Variants in SFXN3 observed in about 807,000 individuals in gnomAD.
SFXN3 encodes the protein sideroflexin-3.
Under a neutral mutation model 40.4 loss-of-function variants are expected in SFXN3, and 31 were observed. The ratio of observed to expected loss-of-function variants is 0.77; its 90% CI spans 0.58 to 1.04. The LOEUF (loss-of-function observed/expected upper bound fraction) is 1.04, where lower values mean the gene tolerates loss of function less well. Among genes scored for constraint, SFXN3 ranks in the 50% least tolerant of loss-of-function variants. SFXN3 has a pLI of 0.00. For missense variants in SFXN3, 366 were observed against 408.2 expected (o/e 0.90, Z 0.89); for synonymous variants, 157 against 160.0 (o/e 0.98, Z 0.14).
At chr10:101,034,313 T>C (rs1202720325) in intron 2 of SFXN3, among the ~76,000 whole-genome samples, 1 of 152,176 alleles carries the variant, frequency 6.6e-6, no homozygotes, top group African/African-American at 2.4e-5. Context: ...TTGTAAACAT[T>C]TTGTTAACAA....
chr10:101,035,692 C>T lies in SFXN3; in HGVS notation c.332+25C>T, dbSNP rs1402431915. On this transcript the variant is annotated intron_variant, in intron 4 of 11. Transcript: ENST00000393459. ...GGCAGGTCTTGTCCCACGTCCCCTT[C>T]TTCAGTGCCCTAAGCTAGAGCATAG... 8 of 1,591,684 alleles carry T rather than the reference C, an allele frequency of 5.0e-6. No homozygotes were observed. The South Asian group carries it at 8.1e-5, about 16-fold the overall frequency.
chr10:101,035,969 G>T (rs746127780), intron 4 of SFXN3, 34 bp from the exon 5 acceptor site: 1 of 1,573,554 alleles, frequency 6.4e-7, no homozygotes, highest in South Asian at 1.1e-5. Flanking sequence ...GGCCACTGTA[G>T]ACGGGGCAGA....
intron 9 of SFXN3, 60 bp from the exon 10 acceptor site, chr10:101,038,583 A>G: frequency 6.2e-7 from 1 of 1,613,350 alleles, no homozygotes; most frequent in Non-Finnish European, 8.5e-7. Context: ...GGTGGGTGAA[A>G]TGGGGTGACA....
At chr10:101,038,539 G>A (rs1938729919) in intron 9 of SFXN3, 104 bp from the exon 10 acceptor site, 9 of 1,603,868 alleles carry the variant, frequency 5.6e-6, no homozygotes, top group South Asian at 5.5e-5. Flanking sequence ...ACAGGTCTAA[G>A]GGCTCCAAGG....
chr10:101,035,563 C>T (rs761011132), exon 4 of SFXN3: 25 of 1,613,954 alleles, frequency 1.5e-5, no homozygotes, highest in African/African-American at 1.3e-4. Context: ...TGTATGACTC[C>T]GCCTTCCATC....
rs781753275 is a variant in SFXN3 at position 101,039,590 on chromosome 10, G to A, written c.*5G>A. ...TACTACAACAAGGGGCTTTGAGGAG[G>A]GTCAGCCTCTGTCCCCTCCCTCACT... On this transcript the variant is annotated 3_prime_UTR_variant, in exon 12 of 12. Coordinates refer to ENST00000393459, the Ensembl canonical transcript of SFXN3. This position sits in a 1 kb window ranked among gnomAD's most constrained non-coding sequence, Gnocchi z 4.6. The A allele has an allele frequency of 1.1e-5, 18 of 1,613,592 alleles. No individual in the cohort carries two copies. The South Asian group carries it at 1.9e-4, about 17-fold the overall frequency.
chr10:101,035,593 G>T, exon 4 of SFXN3: 1 of 1,614,150 alleles, frequency 6.2e-7, no homozygotes, highest in Non-Finnish European at 8.5e-7. Context: ...GGGAGAAGGT[G>T]GTCCTGATTG....
chr10:101,034,644 C>A, intron 2 of SFXN3, 48 bp from the exon 3 acceptor site: 2 of 1,594,084 alleles, frequency 1.3e-6, no homozygotes, highest in East Asian at 2.2e-5. Flanking sequence ...CTAGCTGGAG[C>A]CCTTGGACCC....
intron 1 of SFXN3, 41 bp from the exon 2 acceptor site, chr10:101,032,273 A>T: frequency 1.8e-6 from 1 of 554,124 alleles, no homozygotes; most frequent in Non-Finnish European, 3.2e-6. Context: ...CAGGTGGCCC[A>T]GGCTGGGGGC....
chr10:101,037,157 C>A (rs760510763), exon 8 of SFXN3: 217 of 1,613,876 alleles, frequency 1.3e-4, no homozygotes, highest in Non-Finnish European at 1.7e-4. Context: ...AGCAGGGAAT[C>A]TTCCAGGTGG....
At chr10:101,037,110 G>A (rs1396563400) in exon 8 of SFXN3, 17 of 1,613,336 alleles carry the variant, frequency 1.1e-5, no homozygotes, top group Non-Finnish European at 1.4e-5. Context: ...GGCTGATGAG[G>A]CAGGTCAGAG....
rs1212938754 is a variant in SFXN3, at chr10:101,039,512, AACCAG to A, written c.895_899del (p.Pro299AlafsTer7). On this transcript the variant is annotated frameshift_variant, in exon 12 of 12. Coordinates refer to ENST00000393459, the Ensembl canonical transcript of SFXN3. LOFTEE classifies it high-confidence loss of function. This position sits in a 1 kb window ranked among gnomAD's most constrained non-coding sequence, Gnocchi z 4.6. ...AGCTCCATACACATAAGCAACCTGGAACCAGAGCTGAGAGCTCAGATCCATGAGCA... is the reference window on the plus strand; with the variant it reads ...AGCTCCATACACATAAGCAACCTGGAAGCTGAGAGCTCAGATCCATGAGCA... 10 of 1,613,972 alleles carry A rather than the reference AACCAG, an allele frequency of 6.2e-6. No individual in the cohort carries two copies. The highest frequency in any genetic ancestry group is 1.7e-5 in the Admixed American group (1 of 60,000).
intron 9 of SFXN3, 77 bp from the exon 10 acceptor site, chr10:101,038,566 G>T: frequency 6.2e-7 from 1 of 1,612,738 alleles, no homozygotes. Flanking sequence ...TGATGGGATA[G>T]AGCTATGGTG....
At chr10:101,034,950 A>T in intron 3 of SFXN3, 95 bp downstream of exon 3, 1 of 1,461,816 alleles carries the variant, frequency 6.8e-7, no homozygotes, top group Non-Finnish European at 9.3e-7. Context: ...CTTGACAGTG[A>T]CCCTGTCCCT....
At chr10:101,034,167 T>G (rs928276177) in intron 2 of SFXN3, among the ~76,000 whole-genome samples, 6 of 152,136 alleles carry the variant, frequency 3.9e-5, no homozygotes, top group African/African-American at 1.4e-4. Flanking sequence ...AGGCCATATT[T>G]CAGACTATGC....
Position 101,039,865 on chromosome 10 carries a change from A to G in SFXN3, c.*280A>G. 2.4e-6 allele frequency: 1 copy of G among 412,152 alleles called. No individual in the cohort carries two copies. The highest frequency in any genetic ancestry group is 4.4e-6 in the Non-Finnish European group (1 of 225,246). The allele number at this position is 412,152 out of a possible 1,614,324, so 25.5% of individuals were successfully genotyped here. A position where few individuals can be genotyped will look rare whatever the true frequency, so the allele number is the denominator to read the frequency against. ...TGTGTATGTGTACATTGGGTCCTGAAAGCTAGAAGCAGGCATGCTAGCCTA... is the reference window on the plus strand; with the variant it reads ...TGTGTATGTGTACATTGGGTCCTGAGAGCTAGAAGCAGGCATGCTAGCCTA... On this transcript the variant is annotated 3_prime_UTR_variant, in exon 12 of 12. Coordinates refer to ENST00000393459, the Ensembl canonical transcript of SFXN3. This position sits in a 1 kb window ranked among gnomAD's most constrained non-coding sequence, Gnocchi z 4.6.
intron 2 of SFXN3, among the ~76,000 whole-genome samples, chr10:101,033,436 G>T (rs1938422620): frequency 6.6e-6 from 1 of 152,116 alleles, no homozygotes; most frequent in South Asian, 2.1e-4. Flanking sequence ...TCCTGTTTCT[G>T]GTCTTCCCTT....
intron 2 of SFXN3, among the ~76,000 whole-genome samples, chr10:101,034,057 A>G (rs1214922662): frequency 5.9e-5 from 9 of 151,920 alleles, no homozygotes; most frequent in Admixed American, 5.2e-4. Context: ...GCCTTCCTCT[A>G]TCTCAACTGC....
chr10:101,033,802 C>CA (rs1416775441), intron 2 of SFXN3, among the ~76,000 whole-genome samples: 2 of 151,990 alleles, frequency 1.3e-5, no homozygotes, highest in Non-Finnish European at 2.9e-5. Flanking sequence ...AACATGTGAG[C>CA]AAAAGAATCT....
Sources: gnomAD v4.1 joint callset for allele counts (sites outside exome capture counted in the v4.1 genomes callset) on GRCh38, gnomAD v4.1.1 for gene constraint, Gnocchi (gnomAD v3.1) non-coding constraint, MANE v1.5 for transcripts, NCBI Gene and HGNC (gene_info 2026-07-23, HGNC 2026-07-21) for gene names.